Variants in LYRM7 observed in about 807,000 individuals in gnomAD.
LYRM7 encodes the protein LYR motif containing 7, also known as complex III assembly factor LYRM7.
LYRM7 carries 9 observed loss-of-function variants against 15.8 expected under a neutral mutation model. That is an observed-to-expected ratio of 0.57 (90% CI 0.34 to 0.99). The LOEUF is 0.99. Ranked by LOEUF, LYRM7 falls within the 50% of genes least tolerant of loss-of-function variation. The probability of loss-of-function intolerance (pLI) is 0.02; values close to 1 mark genes in which losing one functional copy is unlikely to be tolerated. For missense variants in LYRM7, 115 were observed against 119.1 expected, an observed-to-expected ratio of 0.97 and a Z score of 0.16; for synonymous variants, 39 against 39.4, an observed-to-expected ratio of 0.99 and a Z score of 0.04.
chr5:131,191,042 T>G (rs556887359), intron 4 of LYRM7, among the ~76,000 whole-genome samples: 1 of 152,204 alleles, frequency 6.6e-6, no homozygotes, highest in East Asian at 1.9e-4. Flanking sequence ...TATTTAGATT[T>G]CTTTTTATCC....
rs369175889 is a variant in LYRM7, at chr5:131,170,980, A to G, written c.-41A>G. 8.5e-5 allele frequency: 130 copies of G among 1,534,250 alleles called. 1 individual carries two copies. The highest frequency in any genetic ancestry group is 6.0e-4 in the South Asian group (48 of 80,576). The stretch of plus-strand genomic sequence containing the variant: ...TGATTGGTTGCTGAGAGGCGGGGCT[A>G]CTCGACTGCTCTGGAGGTAGCGGCC... On this transcript the variant is annotated 5_prime_UTR_variant, in exon 1 of 5. Coordinates refer to ENST00000379380, the MANE Select transcript of LYRM7 (RefSeq NM_181705.4).
In LYRM7 at chr5:131,200,673, A is replaced by G. The variant is rs1200638473; in HGVS notation, c.*1072A>G. The G allele has an allele frequency of 1.3e-5, 2 of 152,212 alleles. No individual in the cohort carries two copies. Among genetic ancestry groups the G allele is most frequent in the Non-Finnish European group, 2.9e-5 (2 of 68,036 alleles). 9.4% of individuals were successfully genotyped at this position (152,212 alleles called of 1,614,324 possible). A position where few individuals can be genotyped will look rare whatever the true frequency, so the allele number is the denominator to read the frequency against. Reference sequence around the variant, plus strand: ...TGTATCTAGAAATTATACCTAGAGAAAAATGAAAGTCGTTTCAAATTTGAA... The same window carrying G: ...TGTATCTAGAAATTATACCTAGAGAGAAATGAAAGTCGTTTCAAATTTGAA... On this transcript the variant is annotated 3_prime_UTR_variant, in exon 5 of 5. Coordinates refer to ENST00000379380, the MANE Select transcript of LYRM7 (RefSeq NM_181705.4).
At position 131,200,663 on chromosome 5, in the gene LYRM7, T is replaced by C. The variant is rs1756046794; in HGVS notation, c.*1062T>C. ...AGCATTGTTATGTATCTAGAAATTA[T>C]ACCTAGAGAAAAATGAAAGTCGTTT... is the stretch of plus-strand genomic sequence containing the variant. On this transcript the variant is annotated 3_prime_UTR_variant, in exon 5 of 5. Coordinates refer to ENST00000379380, the MANE Select transcript of LYRM7 (RefSeq NM_181705.4). 3.3e-5 allele frequency: 5 copies of C among 152,294 alleles called. No individual in the cohort carries two copies. The highest frequency in any genetic ancestry group is 3.3e-4 in the Admixed American group (5 of 15,274). 9.4% of individuals were successfully genotyped at this position (152,294 alleles called of 1,614,324 possible).
At chr5:131,194,068 C>T (rs1298968129) in intron 4 of LYRM7, among the ~76,000 whole-genome samples, 2 of 152,042 alleles carry the variant, frequency 1.3e-5, no homozygotes, top group African/African-American at 2.4e-5. Context: ...GTAGATAAGG[C>T]GTTTCAGGGG....
chr5:131,170,976 G>A lies in LYRM7; in HGVS notation c.-45G>A, dbSNP rs969623135. The A allele has an allele frequency of 3.3e-6, 5 of 1,534,202 alleles. No homozygotes were observed. The highest frequency in any genetic ancestry group is 4.4e-6 in the Non-Finnish European group (5 of 1,145,030). On this transcript the variant is annotated 5_prime_UTR_variant, in exon 1 of 5. Transcript: ENST00000379380. The stretch of plus-strand genomic sequence containing the variant: ...TCTTTGATTGGTTGCTGAGAGGCGG[G>A]GCTACTCGACTGCTCTGGAGGTAGC...
chr5:131,186,589 A>G (rs1405608754), intron 3 of LYRM7, among the ~76,000 whole-genome samples: 1 of 152,212 alleles, frequency 6.6e-6, no homozygotes, highest in East Asian at 1.9e-4. Context: ...TAATTTATAA[A>G]TTAGACACAG....
intron 1 of LYRM7, among the ~76,000 whole-genome samples, chr5:131,174,587 C>T (rs1415248957): frequency 1.3e-5 from 2 of 152,198 alleles, no homozygotes; most frequent in Non-Finnish European, 2.9e-5. Context: ...TGGCTCACAC[C>T]TCTAATCCCA....
At chr5:131,182,721 G>A (rs1250791268) in intron 3 of LYRM7, among the ~76,000 whole-genome samples, 1 of 152,176 alleles carries the variant, frequency 6.6e-6, no homozygotes, top group Non-Finnish European at 1.5e-5. Flanking sequence ...GCCGCAGTAT[G>A]AACTATTCTT....
rs566909278 is a variant in LYRM7, at chr5:131,187,340, CTAAT to C, written c.244+234_244+237del. 3.7e-4 allele frequency among the ~76,000 whole-genome samples: 57 copies of C among 152,178 alleles called. 1 individual carries two copies. The highest frequency in any genetic ancestry group is 1.3e-3 in the African/African-American group (56 of 41,556). ...ATTTTTATCTTCTTATATTTCAACA[CTAAT>C]TATGAAGACAGTACAACTATATATT... is the stretch of plus-strand genomic sequence containing the variant. On this transcript the variant is annotated intron_variant, in intron 4 of 4. Transcript: ENST00000379380.
intron 1 of LYRM7, among the ~76,000 whole-genome samples, chr5:131,176,353 A>G (rs1002042451): frequency 1.3e-5 from 2 of 152,206 alleles, no homozygotes; most frequent in African/African-American, 2.4e-5. Flanking sequence ...CAAACAATGT[A>G]TAAGAGTTCC....
At chr5:131,175,501 C>G (rs1254642956) in intron 1 of LYRM7, among the ~76,000 whole-genome samples, 1 of 151,904 alleles carries the variant, frequency 6.6e-6, no homozygotes, top group Non-Finnish European at 1.5e-5. Flanking sequence ...AGCAACCACG[C>G]TCGGCCTTTT....
chr5:131,192,263 C>T (rs1755899273), intron 4 of LYRM7, among the ~76,000 whole-genome samples: 1 of 152,008 alleles, frequency 6.6e-6, no homozygotes, highest in Non-Finnish European at 1.5e-5. Context: ...ATAGTGGTTA[C>T]TAGAGGCCAG....
intron 4 of LYRM7, among the ~76,000 whole-genome samples, chr5:131,189,478 T>C (rs1473221157): frequency 2.0e-5 from 3 of 147,576 alleles, no homozygotes; most frequent in Non-Finnish European, 4.5e-5. Context: ...AAAAGCTATA[T>C]TGTTTGATCT....
Position 131,181,361 on chromosome 5 carries a change from T to A in LYRM7, c.92-868T>A, listed in dbSNP as rs1397525981. 2.8e-3 allele frequency among the ~76,000 whole-genome samples: 84 copies of A among 29,528 alleles called. 2 individuals are homozygous for A. Among genetic ancestry groups the A allele is most frequent in the East Asian group, 0.011 (20 of 1,788 alleles). The allele number at this position is 29,528 out of a possible 152,430, so 19.4% of individuals were successfully genotyped here. ...TATAACATATATGTTATATATATAT[T>A]AACATATATATGTATATATAATATA... On this transcript the variant is annotated intron_variant, in intron 2 of 4. Transcript: ENST00000379380.
intron 4 of LYRM7, among the ~76,000 whole-genome samples, chr5:131,195,931 C>A (rs988035469): frequency 6.6e-6 from 1 of 152,072 alleles, no homozygotes; most frequent in African/African-American, 2.4e-5. Context: ...TCAGCAGGAC[C>A]TAATGGAAAC....
At chr5:131,197,885 TAAA>T (rs1755993762) in intron 4 of LYRM7, among the ~76,000 whole-genome samples, 1 of 146,274 alleles carries the variant, frequency 6.8e-6, no homozygotes, top group African/African-American at 2.5e-5. Flanking sequence ...TGTGTGTGTG[TAAA>T]TATATATATT....
intron 4 of LYRM7, among the ~76,000 whole-genome samples, chr5:131,193,235 A>T (rs1755912598): frequency 2.6e-5 from 4 of 152,340 alleles, no homozygotes; most frequent in Admixed American, 2.0e-4. Context: ...TGTTAATGTG[A>T]CTCAACAAAC....
rs1371325351 is a variant in LYRM7, at chr5:131,177,202, C to G, written c.19-2893C>G. On this transcript the variant is annotated intron_variant, in intron 1 of 4. Coordinates refer to ENST00000379380, the MANE Select transcript of LYRM7 (RefSeq NM_181705.4). ...AAACCAGTCTACCAGTTTCATTTTT[C>G]CTTGCAATAACTTTCCTGGAGCAAT... Among the ~76,000 whole-genome samples, 3 of 152,090 alleles carry G rather than the reference C, an allele frequency of 2.0e-5. No individual in the cohort carries two copies. In the East Asian group the frequency reaches 5.8e-4, roughly 29 times the overall value.
chr5:131,193,454 G>A (rs1447446090), intron 4 of LYRM7, among the ~76,000 whole-genome samples: 1 of 152,174 alleles, frequency 6.6e-6, no homozygotes, highest in African/African-American at 2.4e-5. Flanking sequence ...GACAGGTTCT[G>A]GGAAGAAAAC....
Sources: gnomAD v4.1 joint callset for allele counts (sites outside exome capture counted in the v4.1 genomes callset) on GRCh38, gnomAD v4.1.1 for gene constraint, MANE v1.5 for transcripts, NCBI Gene and HGNC (gene_info 2026-07-23, HGNC 2026-07-21) for gene names.